Variants in RELB observed in about 807,000 individuals in gnomAD.
RELB encodes transcription factor RelB.
A neutral mutation model predicts 55.4 loss-of-function variants in RELB; 14 were observed. The ratio of observed to expected loss-of-function variants is 0.25; its 90% CI spans 0.17 to 0.40. The LOEUF is 0.40. RELB is among the 10% of genes least tolerant of loss of function. RELB has a pLI of 1.00. For synonymous variants in RELB, 409 were observed against 371.3 expected (o/e 1.10, Z -1.17); for missense variants, 669 against 830.7 (o/e 0.81, Z 2.39).
chr19:45,008,076 A>G (rs1971305532), intron 2 of RELB, among the ~76,000 whole-genome samples: 1 of 149,914 alleles, frequency 6.7e-6, no homozygotes, highest in African/African-American at 2.4e-5. Flanking sequence ...AGGCTGAGAC[A>G]GGAGAATCAC....
At chr19:45,021,471 A>G (rs1273825480) in intron 4 of RELB, among the ~76,000 whole-genome samples, 1 of 151,318 alleles carries the variant, frequency 6.6e-6, no homozygotes, top group African/African-American at 2.4e-5. Context: ...AAAAAAAAAA[A>G]AAAAGCCTGA....
intron 3 of RELB, among the ~76,000 whole-genome samples, chr19:45,010,509 A>C (rs1971337619): frequency 6.6e-6 from 1 of 151,668 alleles, no homozygotes; most frequent in Non-Finnish European, 1.5e-5. Context: ...GAGAGCTGTG[A>C]AAGAAATAAA....
At position 45,011,932 on chromosome 19, in the gene RELB, G is replaced by A; in HGVS notation, c.164-4G>A. On this transcript the variant is annotated splice_polypyrimidine_tract_variant and splice_region_variant and intron_variant, in intron 3 of 11. Transcript: ENST00000221452. ...GTCACCACCCGTTTTTTCTTCTCCC[G>A]CAGAGATCATCGACGAGTACATCAA... 4 of 1,484,460 alleles carry A rather than the reference G, an allele frequency of 2.7e-6. No homozygotes were observed. Among genetic ancestry groups the A allele is most frequent in the Admixed American group, 2.5e-5 (1 of 39,344 alleles). 92.0% of individuals were successfully genotyped at this position (1,484,460 alleles called of 1,614,324 possible).
chr19:45,021,232 G>T (rs902475152), intron 4 of RELB, among the ~76,000 whole-genome samples: 1 of 151,910 alleles, frequency 6.6e-6, no homozygotes, highest in African/African-American at 2.4e-5. Flanking sequence ...CCAGCACTTT[G>T]GGAGGCCGAG....
chr19:45,017,313 G>A (rs1252706970), intron 4 of RELB, among the ~76,000 whole-genome samples: 1 of 152,002 alleles, frequency 6.6e-6, no homozygotes, highest in Non-Finnish European at 1.5e-5. Flanking sequence ...GGCTTCACTT[G>A]CTATATCTTC....
Position 45,012,067 on chromosome 19 carries a change from G to A in RELB, c.295G>A (p.Ala99Thr). Residue 99 changes from alanine to threonine, a missense_variant, in exon 4 of 12, where the codon GCG becomes ACG. Coordinates refer to ENST00000221452, the MANE Select transcript of RELB (RefSeq NM_006509.4). The stretch of plus-strand genomic sequence containing the variant: ...GAGCACGGTCACCCTGGGCCCTGTG[G>A]CGCCCCCAGCCACGCCGCCGCCTTG... ...SLSTVTLGPVAPPATPPPWGC... is the reference protein window; with the variant it reads ...SLSTVTLGPVTPPATPPPWGC... The A allele has an allele frequency of 6.4e-7, 1 of 1,553,138 alleles. No individual in the cohort carries two copies. The highest frequency in any genetic ancestry group is 1.2e-5 in the South Asian group (1 of 84,552).
chr19:45,026,161 G>A (rs1034118594), intron 7 of RELB, among the ~76,000 whole-genome samples: 2 of 152,132 alleles, frequency 1.3e-5, no homozygotes, highest in African/African-American at 2.4e-5. Flanking sequence ...AGAATTGCTT[G>A]AACCCGGGAG....
At position 45,022,181 on chromosome 19, in the gene RELB, G is replaced by T; in HGVS notation, c.633G>T (p.Arg211=). Residue 211 remains arginine (R), a synonymous_variant, in exon 5 of 12, where the codon CGG becomes CGT. Coordinates refer to ENST00000221452, the MANE Select transcript of RELB (RefSeq NM_006509.4). ...GCACCGACGGCATCTGCAGGGTGCG[G>T]CTCCGGCCTCACGTCAGCCCCCGGC... ...KDCTDGICRV[R]LRPHVSPRHS... 1 of 1,608,450 alleles carries T rather than the reference G, an allele frequency of 6.2e-7. No individual in the cohort carries two copies. Among genetic ancestry groups the T allele is most frequent in the Non-Finnish European group, 8.5e-7 (1 of 1,178,658 alleles).
chr19:45,034,338 C>T (rs1971661704), intron 10 of RELB, 26 bp downstream of exon 10: 2 of 1,610,574 alleles, frequency 1.2e-6, no homozygotes, highest in Non-Finnish European at 8.5e-7. Context: ...CCCTTTCCAC[C>T]CCCATCCCCA....
intron 4 of RELB, among the ~76,000 whole-genome samples, chr19:45,015,691 C>T (rs1433998101): frequency 2.7e-5 from 4 of 148,384 alleles, no homozygotes; most frequent in African/African-American, 1.0e-4. Context: ...GCCATGGTCA[C>T]ACCACTGCAC....
chr19:45,033,193 T>A (rs1459163333), intron 9 of RELB, among the ~76,000 whole-genome samples: 5 of 151,838 alleles, frequency 3.3e-5, no homozygotes, highest in Non-Finnish European at 5.9e-5. Flanking sequence ...CCAGAGGGGG[T>A]ACCTGACCCA....
intron 2 of RELB, among the ~76,000 whole-genome samples, chr19:45,003,910 T>G (rs1279249451): frequency 1.6e-5 from 2 of 124,712 alleles, no homozygotes; most frequent in African/African-American, 6.5e-5. Context: ...TTGTCTGTTT[T>G]TTGTGTTTTT....
chr19:45,034,799 A>G (rs1971668315), intron 11 of RELB, among the ~76,000 whole-genome samples: 1 of 150,308 alleles, frequency 6.7e-6, no homozygotes, highest in Non-Finnish European at 1.5e-5. Context: ...CCCAGTACAT[A>G]CTTAGCTCAG....
At chr19:45,036,514 A>ATT (rs1413527509) in intron 11 of RELB, among the ~76,000 whole-genome samples, 5 of 151,552 alleles carry the variant, frequency 3.3e-5, no homozygotes, top group African/African-American at 1.2e-4. Flanking sequence ...TGGTCTGGAG[A>ATT]TTTCACTTTT....
intron 7 of RELB, among the ~76,000 whole-genome samples, chr19:45,027,232 CAAA>C (rs34018517): frequency 1.6e-5 from 2 of 125,316 alleles, no homozygotes. Context: ...GACTCCTTCT[CAAA>C]AAAAAAAAAA....
chr19:45,029,757 G>A (rs1971599125), intron 8 of RELB, among the ~76,000 whole-genome samples: 1 of 152,106 alleles, frequency 6.6e-6, no homozygotes, highest in Non-Finnish European at 1.5e-5. Flanking sequence ...GGCTGAGGCA[G>A]GAGAATCGCT....
At chr19:45,012,299 G>A in intron 4 of RELB, 23 bp downstream of exon 4, 4 of 1,370,530 alleles carry the variant, frequency 2.9e-6, no homozygotes, top group Non-Finnish European at 3.8e-6. Flanking sequence ...AGCGGCCCCG[G>A]GCGGGTGGGA....
chr19:45,010,582 A>G (rs1275669681), intron 3 of RELB, among the ~76,000 whole-genome samples: 1 of 152,160 alleles, frequency 6.6e-6, no homozygotes, highest in Non-Finnish European at 1.5e-5. Context: ...AAGAGATAAC[A>G]TACGAGCTGA....
chr19:45,019,741 G>A (rs1189299209), intron 4 of RELB, among the ~76,000 whole-genome samples: 1 of 150,880 alleles, frequency 6.6e-6, no homozygotes, highest in East Asian at 2.0e-4. Flanking sequence ...GCAATGGCAC[G>A]ATCTGGGCCC....
Sources: gnomAD v4.1 joint callset for allele counts (sites outside exome capture counted in the v4.1 genomes callset) on GRCh38, gnomAD v4.1.1 for gene constraint, MANE v1.5 for transcripts, NCBI Gene and HGNC (gene_info 2026-07-23, HGNC 2026-07-21) for gene names.